Variants in ANKRD62 observed in about 807,000 individuals in gnomAD.
ANKRD62 encodes ankyrin repeat domain 62.
In ANKRD62, 61 loss-of-function variants were observed where a neutral mutation model predicts 98.8. That is an observed-to-expected ratio of 0.62 (90% confidence interval 0.50 to 0.76). The LOEUF (loss-of-function observed/expected upper bound fraction) is 0.76. ANKRD62 is among the 30% of genes least tolerant of loss of function. ANKRD62 has a pLI of 0.00. For missense variants in ANKRD62, 933 were observed against 1,082.9 expected (o/e 0.86, Z 1.94); for synonymous variants, 341 against 367.9 (o/e 0.93, Z 0.84).
the ANKRD62 span, among the ~76,000 whole-genome samples, chr18:12,168,933 TTGTC>T: frequency 6.6e-6 from 1 of 152,126 alleles, no homozygotes; most frequent in African/African-American, 2.4e-5. Context: ...TTGGCTCTGT[TTGTC>T]TGTTACTGGT....
the ANKRD62 span, among the ~76,000 whole-genome samples, chr18:12,139,408 G>T: frequency 6.6e-6 from 1 of 152,118 alleles, no homozygotes; most frequent in African/African-American, 2.4e-5. Flanking sequence ...ACTTTGGGAG[G>T]TTGAGGAGGG....
the ANKRD62 span, among the ~76,000 whole-genome samples, chr18:12,173,904 C>G: frequency 7.2e-5 from 11 of 152,208 alleles, no homozygotes; most frequent in Non-Finnish European, 1.5e-4. Context: ...TGACCTTTCT[C>G]TCTAGCTGCC....
chr18:12,138,152 A>G, the ANKRD62 span, among the ~76,000 whole-genome samples: 4 of 152,022 alleles, frequency 2.6e-5, no homozygotes, highest in East Asian at 1.9e-4. Context: ...TGTCAATTTT[A>G]GATCTTTCCT....
the ANKRD62 span, among the ~76,000 whole-genome samples, chr18:12,140,297 C>T: frequency 2.0e-5 from 3 of 152,072 alleles, no homozygotes; most frequent in African/African-American, 7.2e-5. Context: ...TTCAAACTTC[C>T]TCCTGTAGCT....
intron 10 of ANKRD62, among the ~76,000 whole-genome samples, chr18:12,120,694 A>G (rs1435414157): frequency 6.6e-6 from 1 of 152,012 alleles, no homozygotes; most frequent in East Asian, 1.9e-4. Context: ...TCTCGCTATT[A>G]TTTGTTCCCC....
the ANKRD62 span, among the ~76,000 whole-genome samples, chr18:12,159,096 T>G: frequency 6.6e-6 from 1 of 152,146 alleles, no homozygotes; most frequent in Non-Finnish European, 1.5e-5. Flanking sequence ...ACCTATTGAG[T>G]TTAATTTAAT....
chr18:12,107,534 G>A, intron 8 of ANKRD62, 67 bp downstream of exon 8: 3 of 1,215,652 alleles, frequency 2.5e-6, no homozygotes, highest in Non-Finnish European at 3.1e-6. Flanking sequence ...TTCTAATTTG[G>A]GTTAATATGT....
the ANKRD62 span, among the ~76,000 whole-genome samples, chr18:12,170,301 A>C: frequency 6.6e-6 from 1 of 152,124 alleles, no homozygotes; most frequent in Non-Finnish European, 1.5e-5. Context: ...ACTGCTTTGA[A>C]TGTGTCCCAG....
chr18:12,135,202 C>A, the ANKRD62 span, among the ~76,000 whole-genome samples: 4 of 116,874 alleles, frequency 3.4e-5, no homozygotes, highest in East Asian at 3.0e-4. Context: ...CTCCCCCCAC[C>A]CCACAACAGT....
chr18:12,112,920 T>C (rs1403615478), intron 8 of ANKRD62, among the ~76,000 whole-genome samples: 1 of 152,164 alleles, frequency 6.6e-6, no homozygotes, highest in Non-Finnish European at 1.5e-5. Flanking sequence ...CTTTTTCTTT[T>C]AGTCTGGCGT....
chr18:12,174,745 C>G, the ANKRD62 span, among the ~76,000 whole-genome samples: 1 of 152,182 alleles, frequency 6.6e-6, no homozygotes, highest in African/African-American at 2.4e-5. Flanking sequence ...GGCTTCATTT[C>G]TGGAAGATTT....
chr18:12,174,678 T>A, the ANKRD62 span, among the ~76,000 whole-genome samples: 1 of 152,260 alleles, frequency 6.6e-6, no homozygotes, highest in East Asian at 1.9e-4. Flanking sequence ...TTTCTTCTTT[T>A]ATCCTAGTTG....
At chr18:12,161,642 G>C in the ANKRD62 span, among the ~76,000 whole-genome samples, 1 of 151,862 alleles carries the variant, frequency 6.6e-6, no homozygotes, top group East Asian at 1.9e-4. Flanking sequence ...TCTATTTTTT[G>C]TGCCCATTAA....
chr18:12,163,997 T>G, the ANKRD62 span, among the ~76,000 whole-genome samples: 1 of 151,968 alleles, frequency 6.6e-6, no homozygotes, highest in Admixed American at 6.6e-5. Context: ...CTCTTTGCTT[T>G]TTGTATCAGT....
the ANKRD62 span, among the ~76,000 whole-genome samples, chr18:12,157,163 T>C: frequency 2.0e-5 from 3 of 152,252 alleles, no homozygotes; most frequent in Non-Finnish European, 4.4e-5. Flanking sequence ...CTAGGGTATG[T>C]CTGATAAAGA....
chr18:12,127,803 T>C lies in ANKRD62; in HGVS notation c.2618T>C (p.Leu873Pro). The C allele has an allele frequency of 6.6e-7, 1 of 1,506,716 alleles. No individual in the cohort carries two copies. The highest frequency in any genetic ancestry group is 8.8e-7 in the Non-Finnish European group (1 of 1,134,960). 93.3% of individuals were successfully genotyped at this position (1,506,716 alleles called of 1,614,324 possible). A position where few individuals can be genotyped will look rare whatever the true frequency, so the allele number is the denominator to read the frequency against. The change falls in exon 14 of 14, where the codon CTG becomes CCG. Residue 873 changes from leucine to proline, a missense_variant. Leu to Pro is a moderately conservative substitution (Grantham distance 98). Coordinates refer to ENST00000587848, the MANE Select transcript of ANKRD62 (RefSeq NM_001277333.2). The part of the protein sequence containing the change: ...EVDDALNKQL[L>P]LEAMLEISSE... ...GATGATGCCCTGAACAAACAATTGCTGTTAGAAGCTATGCTAGAGATTTCA... is the reference window on the plus strand; with the variant it reads ...GATGATGCCCTGAACAAACAATTGCCGTTAGAAGCTATGCTAGAGATTTCA...
chr18:12,122,420 T>C lies in ANKRD62; in HGVS notation c.1358T>C (p.Ile453Thr), dbSNP rs779668226. Residue 453 changes from isoleucine (I) to threonine (T), a missense_variant, in exon 11 of 14, where the codon ATT becomes ACT. Around this residue, in one of 3 missense-constraint regions of ANKRD62, gnomAD observed 549 missense variants for 587.9 expected, o/e 0.93. Coordinates refer to ENST00000587848, the MANE Select transcript of ANKRD62 (RefSeq NM_001277333.2). ...KVKFQKMKNN[I>T]SVLQKVLSET... ...AAATTTCAAAAAATGAAAAATAATA[T>C]TAGCGTACTACAAAAGGTACTATCT... The C allele has an allele frequency of 1.8e-4, 272 of 1,535,362 alleles. No individual in the cohort carries two copies. Among genetic ancestry groups the C allele is most frequent in the Non-Finnish European group, 2.3e-4 (269 of 1,146,550 alleles).
the ANKRD62 span, among the ~76,000 whole-genome samples, chr18:12,171,102 CTG>C: frequency 6.6e-6 from 1 of 152,072 alleles, no homozygotes; most frequent in Non-Finnish European, 1.5e-5. Flanking sequence ...ATTTGCCAGT[CTG>C]TGTCTTTTAA....
At chr18:12,109,902 T>A (rs1329638237) in intron 8 of ANKRD62, among the ~76,000 whole-genome samples, 1 of 143,644 alleles carries the variant, frequency 7.0e-6, no homozygotes, top group Non-Finnish European at 1.5e-5. Flanking sequence ...ATTCAATAAA[T>A]GAATAGGTTT....
Sources: allele counts gnomAD v4.1 joint callset (sites outside exome capture counted in the v4.1 genomes callset), GRCh38; gene constraint gnomAD v4.1.1; regional missense constraint gnomAD v4.1.1; transcripts MANE v1.5; gene names NCBI Gene and HGNC (gene_info 2026-07-23, HGNC 2026-07-21).